Variants in KHDRBS2 observed in about 807,000 individuals in gnomAD.
KHDRBS2 encodes KH RNA binding domain containing, signal transduction associated 2, also known as KH domain-containing, RNA-binding, signal transduction-associated protein 2.
In KHDRBS2, 26 loss-of-function variants were observed where a neutral mutation model predicts 44.3. The observed-to-expected ratio is 0.59, with a 90% CI of 0.43 to 0.81. The LOEUF is 0.81. KHDRBS2 is among the 40% of genes least tolerant of loss of function. KHDRBS2 has a pLI of 0.00. For missense variants in KHDRBS2, 476 were observed against 433.1 expected, an observed-to-expected ratio of 1.10 and a Z score of -0.88; for synonymous variants, 194 against 151.1, an observed-to-expected ratio of 1.28 and a Z score of -2.08.
chr6:61,809,269 CTGT>C (rs982128743), intron 6 of KHDRBS2, among the ~76,000 whole-genome samples: 3 of 152,120 alleles, frequency 2.0e-5, no homozygotes, highest in Non-Finnish European at 2.9e-5. Context: ...AATGTGGCTT[CTGT>C]TGTTCTGCTT....
chr6:61,916,227 A>G (rs572604571), intron 4 of KHDRBS2, among the ~76,000 whole-genome samples: 2 of 152,168 alleles, frequency 1.3e-5, no homozygotes, highest in South Asian at 2.1e-4. Flanking sequence ...ACAGACCTGT[A>G]TTGTTTTAAG....
chr6:62,074,305 T>G (rs2127348562), intron 2 of KHDRBS2, among the ~76,000 whole-genome samples: 1 of 152,012 alleles, frequency 6.6e-6, no homozygotes, highest in African/African-American at 2.4e-5. Flanking sequence ...GTGGCAATTT[T>G]TGGAACACAG....
chr6:61,641,963 T>C, the KHDRBS2 span, among the ~76,000 whole-genome samples: 2 of 152,204 alleles, frequency 1.3e-5, no homozygotes, highest in Admixed American at 1.3e-4. Flanking sequence ...CTCTCAATTC[T>C]ACAATTTTAG....
At chr6:61,775,598 C>A (rs1208024986) in intron 6 of KHDRBS2, among the ~76,000 whole-genome samples, 2 of 152,082 alleles carry the variant, frequency 1.3e-5, no homozygotes, top group Non-Finnish European at 2.9e-5. Flanking sequence ...ACGTGAAGGA[C>A]CTCTTCAAGG....
At chr6:62,177,374 T>A in intron 1 of KHDRBS2, 62 bp from the exon 2 acceptor site, 1 of 1,267,940 alleles carries the variant, frequency 7.9e-7, no homozygotes, top group Non-Finnish European at 1.1e-6. Context: ...ATAAATATGC[T>A]GAAAAATGTT....
chr6:61,577,729 T>C, the KHDRBS2 span, among the ~76,000 whole-genome samples: 5 of 152,186 alleles, frequency 3.3e-5, no homozygotes, highest in Admixed American at 1.3e-4. Flanking sequence ...GAACAGAGTA[T>C]AGAAATAGTA....
At chr6:62,064,237 A>C (rs1792890913) in intron 2 of KHDRBS2, among the ~76,000 whole-genome samples, 1 of 145,260 alleles carries the variant, frequency 6.9e-6, no homozygotes. Context: ...TGCCATCCCC[A>C]TCAAGCTACC....
At chr6:62,123,736 T>C (rs1424682690) in intron 2 of KHDRBS2, among the ~76,000 whole-genome samples, 1 of 151,836 alleles carries the variant, frequency 6.6e-6, no homozygotes, top group Non-Finnish European at 1.5e-5. Context: ...TGCCACTCGA[T>C]GAGATGCATT....
chr6:61,697,046 T>G, intron 8 of KHDRBS2, 149 bp downstream of exon 8: 1 of 682,072 alleles, frequency 1.5e-6, no homozygotes. Context: ...GTACTAGCTG[T>G]GTAAGTCAAA....
rs538573499 is a variant in KHDRBS2 at position 61,999,774 on chromosome 6, G to GT, written c.337-21563dup. Among the ~76,000 whole-genome samples, 421 of 152,024 alleles carry GT rather than the reference G, an allele frequency of 2.8e-3. 3 individuals are homozygous for GT. Among genetic ancestry groups the GT allele is most frequent in the African/African-American group, 9.3e-3 (385 of 41,508 alleles). ...TGAAAAGGCATCTTTGTCTTTTATA[G>GT]TTTTTTCTTCCATCAAACTCACTGT... On this transcript the variant is annotated intron_variant, in intron 3 of 8. Coordinates refer to ENST00000281156, the MANE Select transcript of KHDRBS2 (RefSeq NM_152688.4).
At chr6:61,682,344 C>G (rs1766393168) in intron 8 of KHDRBS2, among the ~76,000 whole-genome samples, 1 of 151,700 alleles carries the variant, frequency 6.6e-6, no homozygotes, top group East Asian at 1.9e-4. Flanking sequence ...ACAACTGATA[C>G]CTGATAATAA....
chr6:62,198,460 C>T (rs1826161999), intron 1 of KHDRBS2, among the ~76,000 whole-genome samples: 1 of 152,164 alleles, frequency 6.6e-6, no homozygotes. Context: ...ATAAACACCT[C>T]TACGCAAATA....
chr6:62,261,130 A>G (rs147099317), intron 1 of KHDRBS2, among the ~76,000 whole-genome samples: 115 of 152,056 alleles, frequency 7.6e-4, no homozygotes, highest in African/African-American at 2.3e-3. Flanking sequence ...AAAGTTGCTT[A>G]TTTAAGTAGC....
At chr6:61,620,293 T>C in the KHDRBS2 span, among the ~76,000 whole-genome samples, 126,048 of 151,942 alleles carry the variant, frequency 0.83, 52,501 homozygotes, top group Non-Finnish European at 0.87. Context: ...CAAATAGACT[T>C]AAGGAGCCTA....
intron 2 of KHDRBS2, among the ~76,000 whole-genome samples, chr6:62,071,503 G>A (rs9767163): frequency 0.51 from 77,092 of 151,960 alleles, 19,962 homozygotes; most frequent in Non-Finnish European, 0.55. Context: ...AATCCATCTC[G>A]AATTAATTTT....
At chr6:61,944,435 G>A (rs577233290) in intron 4 of KHDRBS2, among the ~76,000 whole-genome samples, 7 of 151,784 alleles carry the variant, frequency 4.6e-5, no homozygotes, top group Admixed American at 3.3e-4. Flanking sequence ...GCATGCATAT[G>A]TGCAAGGTAA....
intron 3 of KHDRBS2, among the ~76,000 whole-genome samples, chr6:61,986,758 T>C (rs1318981158): frequency 1.3e-5 from 2 of 152,124 alleles, no homozygotes; most frequent in Admixed American, 1.3e-4. Flanking sequence ...CTTATTTTTG[T>C]ATCCTCCCAC....
Position 62,032,904 on chromosome 6 carries a change from A to C in KHDRBS2, c.336+14974T>G, listed in dbSNP as rs1784609971. 3.3e-5 allele frequency among the ~76,000 whole-genome samples: 5 copies of C among 152,034 alleles called. 1 individual carries two copies. In the South Asian group the frequency reaches 1.0e-3, roughly 31 times the overall value. ...AGATCAATCCTGGAGAAACAGAGATATGTGACCTTTCAGACAGAGAATTCA... is the reference window on the plus strand; with the variant it reads ...AGATCAATCCTGGAGAAACAGAGATCTGTGACCTTTCAGACAGAGAATTCA... On this transcript the variant is annotated intron_variant, in intron 3 of 8. Transcript: ENST00000281156.
At chr6:62,221,949 C>CA (rs1394306335) in intron 1 of KHDRBS2, among the ~76,000 whole-genome samples, 37 of 152,192 alleles carry the variant, frequency 2.4e-4, no homozygotes, top group African/African-American at 8.4e-4. Context: ...CCACAGCATG[C>CA]AATCTGTTAC....
Sources: gnomAD v4.1 joint callset for allele counts (sites outside exome capture counted in the v4.1 genomes callset) on GRCh38, gnomAD v4.1.1 for gene constraint, MANE v1.5 for transcripts, NCBI Gene and HGNC (gene_info 2026-07-23, HGNC 2026-07-21) for gene names.